The following BPGM variants were observed in gnomAD, a reference collection of about 807,000 sequenced individuals.
BPGM encodes the protein 2,3-bisphosphoglycerate mutase, erythrocyte.
In BPGM, 15 loss-of-function variants were observed where a neutral mutation model predicts 21.6. The ratio of observed to expected loss-of-function variants is 0.70; its 90% CI spans 0.47 to 1.07. The LOEUF (loss-of-function observed/expected upper bound fraction) is 1.07, where lower values mean the gene tolerates loss of function less well. BPGM is among the 50% of genes least tolerant of loss of function. The pLI is 0.00. For missense variants in BPGM, 273 were observed against 319.0 expected (o/e 0.86, Z 1.10); for synonymous variants, 113 against 116.2 (o/e 0.97, Z 0.18).
chr7:134,654,257 C>T (rs961875510), intron 1 of BPGM, among the ~76,000 whole-genome samples: 2 of 152,188 alleles, frequency 1.3e-5, no homozygotes, highest in Non-Finnish European at 2.9e-5. Context: ...ATTAATTGGT[C>T]AGGCTAGGGC....
intron 2 of BPGM, among the ~76,000 whole-genome samples, chr7:134,668,264 C>G (rs1304686043): frequency 6.6e-6 from 1 of 152,176 alleles, no homozygotes; most frequent in Admixed American, 6.6e-5. Context: ...TAGTTGGCAT[C>G]AAGAACTCTA....
At chr7:134,677,562 G>T (rs1796000576) in intron 2 of BPGM, among the ~76,000 whole-genome samples, 2 of 152,194 alleles carry the variant, frequency 1.3e-5, no homozygotes, top group African/African-American at 4.8e-5. Flanking sequence ...GGTGCTCACA[G>T]TTAGGATCAA....
At chr7:134,675,643 T>G (rs1187464626) in intron 2 of BPGM, among the ~76,000 whole-genome samples, 1 of 152,210 alleles carries the variant, frequency 6.6e-6, no homozygotes, top group East Asian at 1.9e-4. Context: ...TAGTAAGTTT[T>G]GAAATCAGGA....
chr7:134,649,244 T>G (rs1302749853), intron 1 of BPGM, among the ~76,000 whole-genome samples: 2 of 152,198 alleles, frequency 1.3e-5, no homozygotes, highest in Non-Finnish European at 2.9e-5. Context: ...CCTATTTTTG[T>G]CCCCATTACA....
chr7:134,661,576 T>G lies in BPGM; in HGVS notation c.69T>G (p.Cys23Trp). The G allele has an allele frequency of 6.2e-7, 1 of 1,614,198 alleles. No homozygotes were observed. Among genetic ancestry groups the G allele is most frequent in the Non-Finnish European group, 8.5e-7 (1 of 1,180,020 alleles). Reference sequence around the variant, plus strand: ...CTTGGAATAAGGAGAACCGTTTTTGTAGCTGGGTGGATCAGAAACTCAACA... The same window carrying G: ...CTTGGAATAAGGAGAACCGTTTTTGGAGCTGGGTGGATCAGAAACTCAACA... The part of the protein sequence containing the change: ...EGAWNKENRF[C>W]SWVDQKLNSE... Residue 23 changes from cysteine (C) to tryptophan (W), a missense_variant, in exon 2 of 3, where the codon TGT (cysteine) becomes TGG (tryptophan). Coordinates refer to ENST00000344924, the MANE Select transcript of BPGM (RefSeq NM_001724.5). The surrounding 1 kb of genome is among the most constrained non-coding windows in gnomAD (Gnocchi z 4.6).
At chr7:134,654,778 G>A (rs1429284640) in intron 1 of BPGM, among the ~76,000 whole-genome samples, 5 of 152,118 alleles carry the variant, frequency 3.3e-5, no homozygotes, top group Non-Finnish European at 1.5e-5. Flanking sequence ...CATGAGAGAA[G>A]ATGATCTCCA....
Position 134,679,406 on chromosome 7 carries a change from CTTTAATA to C in BPGM, c.*383_*389del, listed in dbSNP as rs959141970. ...AGGCACTATTCTAATCAGTAGTTCA[CTTTAATA>C]TTTAATAAGATTTTCTGGGATAACA... On this transcript the variant is annotated 3_prime_UTR_variant, in exon 3 of 3. Coordinates refer to ENST00000344924, the MANE Select transcript of BPGM (RefSeq NM_001724.5). 1.4e-5 allele frequency: 3 copies of C among 213,794 alleles called. No individual in the cohort carries two copies. Among genetic ancestry groups the C allele is most frequent in the African/African-American group, 4.6e-5 (2 of 43,226 alleles). The allele number at this position is 213,794 out of a possible 1,614,324, so 13.2% of individuals were successfully genotyped here. A position where few individuals can be genotyped will look rare whatever the true frequency, so the allele number is the denominator to read the frequency against.
intron 2 of BPGM, among the ~76,000 whole-genome samples, chr7:134,665,673 A>AAAAAAAAAG (rs1795809453): frequency 6.7e-6 from 1 of 148,586 alleles, no homozygotes; most frequent in Non-Finnish European, 1.5e-5. Flanking sequence ...AAAAAAAAAA[A>AAAAAAAAAG]GTGCAGCTTT....
chr7:134,647,807 T>G (rs569236686), intron 1 of BPGM, among the ~76,000 whole-genome samples: 24 of 152,224 alleles, frequency 1.6e-4, no homozygotes, highest in Non-Finnish European at 3.1e-4. Flanking sequence ...TTTTTTATTT[T>G]TTTTGAAACG....
intron 2 of BPGM, among the ~76,000 whole-genome samples, chr7:134,669,401 AT>A (rs1228123300): frequency 5.9e-5 from 9 of 151,888 alleles, no homozygotes; most frequent in Admixed American, 1.3e-4. Flanking sequence ...TTATTTTTTT[AT>A]TTTTTTATCC....
At chr7:134,658,751 A>G (rs868489664) in intron 1 of BPGM, 3 of 152,212 alleles carry the variant, frequency 2.0e-5, no homozygotes, top group Non-Finnish European at 4.4e-5. Context: ...TTTTCTTGAG[A>G]TAGACATACT....
intron 2 of BPGM, among the ~76,000 whole-genome samples, chr7:134,675,495 G>A (rs1212213535): frequency 1.3e-5 from 2 of 151,936 alleles, no homozygotes; most frequent in Non-Finnish European, 2.9e-5. Flanking sequence ...AGTACTATTT[G>A]TTGAAAAGAT....
chr7:134,656,110 C>T (rs1057012009), intron 1 of BPGM, among the ~76,000 whole-genome samples: 1 of 152,132 alleles, frequency 6.6e-6, no homozygotes, highest in Admixed American at 6.5e-5. Context: ...ATTCACAGTC[C>T]CACCCCAGAC....
chr7:134,664,900 A>G (rs1469504850), intron 2 of BPGM, among the ~76,000 whole-genome samples: 2 of 152,226 alleles, frequency 1.3e-5, no homozygotes, highest in Non-Finnish European at 2.9e-5. Context: ...AAATCTTTAG[A>G]AACAGAAGGT....
At chr7:134,665,325 G>C (rs1230492098) in intron 2 of BPGM, among the ~76,000 whole-genome samples, 1 of 28,952 alleles carries the variant, frequency 3.5e-5, no homozygotes, top group Non-Finnish European at 5.5e-5. Flanking sequence ...GGACATGGAT[G>C]AAATTGGAAA....
intron 2 of BPGM, among the ~76,000 whole-genome samples, chr7:134,673,967 C>T (rs1431906949): frequency 6.9e-6 from 1 of 145,162 alleles, no homozygotes; most frequent in East Asian, 2.0e-4. Context: ...GGCTGGAGTG[C>T]AATGGCACAA....
At chr7:134,654,806 A>G (rs939553406) in intron 1 of BPGM, among the ~76,000 whole-genome samples, 7 of 152,170 alleles carry the variant, frequency 4.6e-5, no homozygotes, top group Admixed American at 2.6e-4. Flanking sequence ...AGAAGTAACT[A>G]ACCTGTAGTC....
chr7:134,665,126 A>G (rs1795794521), intron 2 of BPGM, among the ~76,000 whole-genome samples: 2 of 152,178 alleles, frequency 1.3e-5, no homozygotes, highest in African/African-American at 2.4e-5. Flanking sequence ...AAAATAATCA[A>G]TGGAATTGAA....
intron 1 of BPGM, among the ~76,000 whole-genome samples, chr7:134,647,610 ACT>A (rs1422396059): frequency 1.3e-5 from 2 of 152,174 alleles, no homozygotes; most frequent in African/African-American, 2.4e-5. Context: ...CTAACTTATA[ACT>A]CTCATCCCCC....
Sources: gnomAD v4.1 joint callset for allele counts (sites outside exome capture counted in the v4.1 genomes callset) on GRCh38, gnomAD v4.1.1 for gene constraint, Gnocchi (gnomAD v3.1) non-coding constraint, MANE v1.5 for transcripts, NCBI Gene and HGNC (gene_info 2026-07-23, HGNC 2026-07-21) for gene names.